Variants in SORBS2 observed in about 807,000 individuals in gnomAD.
SORBS2 encodes the protein sorbin and SH3 domain containing 2.
A neutral mutation model predicts 97.7 loss-of-function variants in SORBS2; 46 were observed. That is an observed-to-expected ratio of 0.47 (90% confidence interval 0.37 to 0.60). SORBS2 has a LOEUF of 0.60. Ranked by LOEUF, SORBS2 falls within the 20% of genes least tolerant of loss-of-function variation. SORBS2 has a pLI of 0.00. For synonymous variants in SORBS2, 476 were observed against 473.4 expected (o/e 1.01, Z -0.07); for missense variants, 1,316 against 1,282.3 (o/e 1.03, Z -0.40).
intron 1 of SORBS2, among the ~76,000 whole-genome samples, chr4:185,810,564 T>G (rs935482420): frequency 6.3e-4 from 96 of 152,362 alleles, no homozygotes; most frequent in African/African-American, 2.3e-3. Flanking sequence ...GTATTATAAG[T>G]GATCTGACAT....
chr4:185,871,265 G>A (rs2648108), intron 1 of SORBS2, among the ~76,000 whole-genome samples: 91 of 152,060 alleles, frequency 6.0e-4, no homozygotes, highest in African/African-American at 1.6e-3. Context: ...AAATATTCAC[G>A]TTTCCGAGAA....
At chr4:185,600,040 C>T (rs1343073533) in intron 12 of SORBS2, among the ~76,000 whole-genome samples, 2 of 152,236 alleles carry the variant, frequency 1.3e-5, no homozygotes, top group Non-Finnish European at 1.5e-5. Flanking sequence ...ACACATATCT[C>T]GCTTTTTACG....
At chr4:185,944,488 A>G (rs1382050867) in intron 1 of SORBS2, among the ~76,000 whole-genome samples, 3 of 152,252 alleles carry the variant, frequency 2.0e-5, no homozygotes, top group Non-Finnish European at 4.4e-5. Flanking sequence ...TCTAGAGACT[A>G]TAAAGACACA....
At chr4:185,728,182 G>GT (rs1210506283) in intron 2 of SORBS2, among the ~76,000 whole-genome samples, 1 of 152,094 alleles carries the variant, frequency 6.6e-6, no homozygotes, top group Non-Finnish European at 1.5e-5. Context: ...AGCCTGGAAG[G>GT]TTTTATGCAA....
intron 4 of SORBS2, among the ~76,000 whole-genome samples, chr4:185,637,769 A>T (rs1435975377): frequency 6.6e-6 from 1 of 152,100 alleles, no homozygotes; most frequent in Non-Finnish European, 1.5e-5. Flanking sequence ...AAACAAATAC[A>T]AATCTTCTAT....
rs943222199 is a variant in SORBS2 at position 185,614,580 on chromosome 4, C to T, written c.2595+251G>A. 9 of 440,502 alleles carry T rather than the reference C, an allele frequency of 2.0e-5. No individual in the cohort carries two copies. In the Admixed American group the frequency reaches 3.5e-4, roughly 17 times the overall value. The allele number at this position is 440,502 out of a possible 1,614,324, so 27.3% of individuals were successfully genotyped here. On this transcript the variant is annotated intron_variant, in intron 11 of 14. Coordinates refer to ENST00000418609, the Ensembl canonical transcript of SORBS2. The stretch of plus-strand genomic sequence containing the variant: ...AAGTCCTTGATTTTCAGCCCCATGC[C>T]CGGCTTCCCAGACTAAGCCACAGAG...
intron 1 of SORBS2, among the ~76,000 whole-genome samples, chr4:185,922,898 G>A (rs1042066010): frequency 6.6e-6 from 1 of 152,172 alleles, no homozygotes; most frequent in Non-Finnish European, 1.5e-5. Context: ...CTAGTAAACT[G>A]AGGGAACTGA....
rs954590355 is a variant in SORBS2 at position 185,624,036 on chromosome 4, G to A, written c.1093C>T (p.Arg365Cys). 9.9e-6 allele frequency: 16 copies of A among 1,614,156 alleles called. No individual in the cohort carries two copies. Among genetic ancestry groups the A allele is most frequent in the East Asian group, 2.2e-5 (1 of 44,868 alleles). Residue 365 changes from arginine (R) to cysteine (C), a missense_variant, in exon 7 of 15, where the codon CGC (arginine) becomes TGC (cysteine). By Grantham distance (180) the Arg-to-Cys change is radical. Transcript: ENST00000418609. ...ACCTCGGAGTTCATCAGGTCCTTGC[G>A]GTTGATGCGGTGCATTTTCTTGTAC... is the stretch of plus-strand genomic sequence containing the variant.
At chr4:185,845,580 C>T (rs1382065971) in intron 1 of SORBS2, among the ~76,000 whole-genome samples, 1 of 152,088 alleles carries the variant, frequency 6.6e-6, no homozygotes, top group East Asian at 1.9e-4. Context: ...TGGACTTGAT[C>T]ACAGTTAAAA....
chr4:185,802,865 T>C (rs867047793), intron 1 of SORBS2, among the ~76,000 whole-genome samples: 2 of 152,228 alleles, frequency 1.3e-5, no homozygotes, highest in African/African-American at 4.8e-5. Flanking sequence ...TATTTCTCCA[T>C]GTCAATCAAC....
At chr4:185,822,348 C>G (rs558005586) in intron 1 of SORBS2, among the ~76,000 whole-genome samples, 14 of 152,278 alleles carry the variant, frequency 9.2e-5, no homozygotes, top group African/African-American at 3.4e-4. Context: ...TGTTGGTAAC[C>G]AAAAGATCCT....
intron 1 of SORBS2, among the ~76,000 whole-genome samples, chr4:185,858,161 T>C (rs1189671620): frequency 6.6e-6 from 1 of 152,160 alleles, no homozygotes; most frequent in Non-Finnish European, 1.5e-5. Flanking sequence ...GTACTCTTTC[T>C]CTCTATTTCT....
intron 12 of SORBS2, among the ~76,000 whole-genome samples, chr4:185,601,465 T>A (rs954704718): frequency 4.6e-5 from 7 of 152,156 alleles, no homozygotes; most frequent in African/African-American, 1.2e-4. Flanking sequence ...CTGGGACCCA[T>A]AGCGGAAGCT....
At chr4:185,731,852 CTCTCTCTCTCTCTCTATATATATATA>C (rs1178036207) in intron 2 of SORBS2, among the ~76,000 whole-genome samples, 87 of 33,066 alleles carry the variant, frequency 2.6e-3, no homozygotes, top group African/African-American at 0.01. Context: ...CTCTCTCTCT[CTCTCTCTCTCTCTCTATATATATATA>C]TATATATATA....
chr4:185,799,867 T>G (rs953179556), intron 1 of SORBS2, among the ~76,000 whole-genome samples: 1 of 152,180 alleles, frequency 6.6e-6, no homozygotes, highest in African/African-American at 2.4e-5. Flanking sequence ...GCAATCGGCT[T>G]TCTAAACCAG....
At chr4:185,804,675 G>A (rs183857774) in intron 1 of SORBS2, among the ~76,000 whole-genome samples, 140 of 152,144 alleles carry the variant, frequency 9.2e-4, no homozygotes, top group African/African-American at 3.2e-3. Flanking sequence ...CTCTTGGGAT[G>A]GTAGCAAGTA....
chr4:185,825,852 G>A (rs1185630813), intron 1 of SORBS2, among the ~76,000 whole-genome samples: 1 of 152,132 alleles, frequency 6.6e-6, no homozygotes, highest in East Asian at 1.9e-4. Context: ...CCACTGTGAA[G>A]AAAAGAAGAA....
At chr4:185,778,628 G>T (rs1300497803) in intron 1 of SORBS2, among the ~76,000 whole-genome samples, 3 of 152,136 alleles carry the variant, frequency 2.0e-5, no homozygotes, top group African/African-American at 7.2e-5. Flanking sequence ...CGCCCCTAGA[G>T]AGTCAGATTT....
intron 1 of SORBS2, among the ~76,000 whole-genome samples, chr4:185,819,975 A>G (rs1461657957): frequency 6.6e-6 from 1 of 151,380 alleles, no homozygotes; most frequent in African/African-American, 2.5e-5. Context: ...AAAGGATGAT[A>G]ATATTATCTA....
Sources: gnomAD v4.1 joint callset for allele counts (sites outside exome capture counted in the v4.1 genomes callset) on GRCh38, gnomAD v4.1.1 for gene constraint, MANE v1.5 for transcripts, NCBI Gene and HGNC (gene_info 2026-07-23, HGNC 2026-07-21) for gene names.